Variants in FILIP1L observed in about 807,000 individuals in gnomAD.
FILIP1L encodes the protein filamin A interacting protein 1 like, also known as filamin A-interacting protein 1-like.
FILIP1L carries 55 observed loss-of-function variants against 96.6 expected under a neutral mutation model. That is an observed-to-expected ratio of 0.57 (90% CI 0.46 to 0.71). The LOEUF (loss-of-function observed/expected upper bound fraction) is 0.71, where lower values mean the gene tolerates loss of function less well. Among genes scored for constraint, FILIP1L ranks in the 30% least tolerant of loss-of-function variants. FILIP1L has a pLI of 0.00. For missense variants in FILIP1L, 1,304 were observed against 1,321.2 expected (o/e 0.99, Z 0.20); for synonymous variants, 467 against 473.9 (o/e 0.99, Z 0.19).
chr3:100,028,975 G>A (rs148587921), intron 1 of FILIP1L, among the ~76,000 whole-genome samples: 38 of 152,094 alleles, frequency 2.5e-4, no homozygotes, highest in African/African-American at 8.0e-4. Context: ...TCGTCAGTCC[G>A]TTACTTGAGC....
At chr3:100,000,289 T>C (rs1709805816) in intron 1 of FILIP1L, among the ~76,000 whole-genome samples, 1 of 152,240 alleles carries the variant, frequency 6.6e-6, no homozygotes, top group South Asian at 2.1e-4. Context: ...GCCTCCTCTA[T>C]CACCTTGTCC....
intron 1 of FILIP1L, among the ~76,000 whole-genome samples, chr3:100,063,949 C>T (rs1488885777): frequency 2.0e-5 from 3 of 152,196 alleles, no homozygotes; most frequent in South Asian, 4.1e-4. Context: ...GAGTACATAC[C>T]GTCAGCCAAA....
rs1336115990 is a variant in FILIP1L at position 99,850,460 on chromosome 3, C to G, written c.1216G>C (p.Glu406Gln). The G allele has an allele frequency of 1.2e-6, 2 of 1,613,990 alleles. No homozygotes were observed. Among genetic ancestry groups the G allele is most frequent in the South Asian group, 2.2e-5 (2 of 90,998 alleles). Residue 406 changes from glutamate (E) to glutamine (Q), a missense_variant, in exon 5 of 6, where the codon GAG becomes CAG. Coordinates refer to ENST00000477258, the MANE Select transcript of FILIP1L (RefSeq NM_001387850.1). ...TTAAAGTCTTTACTCTGTAACGTCT[C>G]CCTTTCAAGCCTCTTATTGAGATCT... ...CRDLNKRLER[E>Q]TLQSKDFKLE...
At chr3:100,082,020 C>T (rs1437267725) in intron 1 of FILIP1L, among the ~76,000 whole-genome samples, 3 of 152,140 alleles carry the variant, frequency 2.0e-5, no homozygotes. Context: ...AAAACTGTTC[C>T]AGTATCTTAT....
chr3:99,833,584 G>A (rs914100149), intron 5 of FILIP1L, among the ~76,000 whole-genome samples: 10 of 152,238 alleles, frequency 6.6e-5, no homozygotes, highest in African/African-American at 2.4e-4. Context: ...GACAGCTGGA[G>A]TCAGGATGTT....
rs538658964 is a variant in FILIP1L, at chr3:99,860,958, C to T, written c.606-9888G>A. 1.1e-3 allele frequency among the ~76,000 whole-genome samples: 166 copies of T among 152,052 alleles called. 2 individuals are homozygous for T. The highest frequency in any genetic ancestry group is 3.7e-3 in the African/African-American group (155 of 41,456). ...TACTCAAATGAAGTTTTCTTTATGCCGTTTACTCAGATGACATCTATCAAG... is the reference window on the plus strand; with the variant it reads ...TACTCAAATGAAGTTTTCTTTATGCTGTTTACTCAGATGACATCTATCAAG... On this transcript the variant is annotated intron_variant, in intron 4 of 5. Coordinates refer to ENST00000477258, the MANE Select transcript of FILIP1L (RefSeq NM_001387850.1).
rs78067726 is a variant in FILIP1L, at chr3:99,929,716, G to A, written c.426+140C>T. 1.1e-3 allele frequency: 617 copies of A among 553,852 alleles called. 4 individuals carry two copies. Among genetic ancestry groups the A allele is most frequent in the African/African-American group, 0.011 (554 of 51,482 alleles). 34.3% of individuals were successfully genotyped at this position (553,852 alleles called of 1,614,324 possible). On this transcript the variant is annotated intron_variant, in intron 3 of 5. Transcript: ENST00000477258. Reference sequence around the variant, plus strand: ...TTTTAACTTTCCTATTGAACTTGTCGTATTTATCTGTTTTGTGTAGGCTTT... The same window carrying A: ...TTTTAACTTTCCTATTGAACTTGTCATATTTATCTGTTTTGTGTAGGCTTT...
intron 1 of FILIP1L, among the ~76,000 whole-genome samples, chr3:100,091,350 T>C (rs1244010890): frequency 1.3e-5 from 2 of 151,756 alleles, no homozygotes; most frequent in East Asian, 1.9e-4. Context: ...TGTATGTGTA[T>C]GTATGTTCAC....
intron 1 of FILIP1L, among the ~76,000 whole-genome samples, chr3:100,099,179 A>C (rs2066262399): frequency 1.3e-5 from 2 of 152,154 alleles, no homozygotes; most frequent in Non-Finnish European, 2.9e-5. Context: ...GGATTTCTGC[A>C]TTTTTTAGTT....
intron 4 of FILIP1L, among the ~76,000 whole-genome samples, chr3:99,866,516 T>C (rs894240057): frequency 6.6e-6 from 1 of 152,172 alleles, no homozygotes; most frequent in Non-Finnish European, 1.5e-5. Context: ...TGTGAAACAT[T>C]TTGATCCTTA....
At chr3:99,942,643 C>T (rs1362376807) in intron 1 of FILIP1L, among the ~76,000 whole-genome samples, 1 of 151,996 alleles carries the variant, frequency 6.6e-6, no homozygotes, top group Admixed American at 6.6e-5. Context: ...ACCAGCCTGG[C>T]CAACATGGTG....
chr3:99,850,046 T>C lies in FILIP1L; in HGVS notation c.1630A>G (p.Lys544Glu). 1 of 1,611,320 alleles carries C rather than the reference T, an allele frequency of 6.2e-7. No individual in the cohort carries two copies. The highest frequency in any genetic ancestry group is 8.5e-7 in the Non-Finnish European group (1 of 1,179,350). The part of the protein sequence containing the change: ...TVTEKLIEET[K>E]RALKSKTDVE... ...TCGGTTTTGGACTTGAGCGCCCTTT[T>C]AGTTTCCTCAATTAACTTCTCAGTA... The change falls in exon 5 of 6, where the codon AAA becomes GAA. Residue 544 changes from lysine to glutamate, a missense_variant. By Grantham distance (56) the Lys-to-Glu change is moderately conservative. Transcript: ENST00000477258.
chr3:99,880,258 G>A (rs929932530), intron 4 of FILIP1L, among the ~76,000 whole-genome samples: 1 of 151,800 alleles, frequency 6.6e-6, no homozygotes, highest in Non-Finnish European at 1.5e-5. Context: ...CAGTTCTTTG[G>A]GTGCCACCTG....
intron 5 of FILIP1L, among the ~76,000 whole-genome samples, chr3:99,847,753 A>G (rs940622721): frequency 2.0e-5 from 3 of 152,290 alleles, no homozygotes; most frequent in Non-Finnish European, 4.4e-5. Context: ...ATTTTTATTT[A>G]TTTGAACCAC....
At chr3:100,013,030 C>T (rs909292972) in intron 1 of FILIP1L, among the ~76,000 whole-genome samples, 1 of 151,566 alleles carries the variant, frequency 6.6e-6, no homozygotes, top group Non-Finnish European at 1.5e-5. Context: ...CCACACCCAG[C>T]CAATTTTTTT....
At chr3:99,949,960 T>C (rs1459641339) in intron 1 of FILIP1L, among the ~76,000 whole-genome samples, 1 of 152,194 alleles carries the variant, frequency 6.6e-6, no homozygotes, top group Non-Finnish European at 1.5e-5. Flanking sequence ...TTGGATATCA[T>C]TAATTATTTC....
chr3:99,942,542 G>C (rs905191607), intron 1 of FILIP1L, among the ~76,000 whole-genome samples: 2 of 152,172 alleles, frequency 1.3e-5, no homozygotes, highest in African/African-American at 4.8e-5. Flanking sequence ...TTTAAGAAGT[G>C]GTTTCCTTGC....
intron 1 of FILIP1L, among the ~76,000 whole-genome samples, chr3:100,099,940 A>ACTT (rs2066276392): frequency 2.0e-5 from 3 of 152,212 alleles, no homozygotes; most frequent in African/African-American, 7.2e-5. Context: ...AGTGTTATAA[A>ACTT]GATCATCCAT....
intron 4 of FILIP1L, among the ~76,000 whole-genome samples, chr3:99,883,499 A>G (rs559364314): frequency 3.7e-4 from 56 of 152,292 alleles, no homozygotes; most frequent in African/African-American, 1.3e-3. Flanking sequence ...CTCCCCTTTT[A>G]TAGGCTATGT....
Sources: gnomAD v4.1 joint callset for allele counts (sites outside exome capture counted in the v4.1 genomes callset) on GRCh38, gnomAD v4.1.1 for gene constraint, MANE v1.5 for transcripts, NCBI Gene and HGNC (gene_info 2026-07-23, HGNC 2026-07-21) for gene names.